Variants in PEX1 observed in about 807,000 individuals in gnomAD.
The protein encoded by PEX1 is peroxisomal ATPase PEX1.
Under a neutral mutation model 152.5 loss-of-function variants are expected in PEX1, and 97 were observed. The observed-to-expected ratio is 0.64, with a 90% CI of 0.54 to 0.75. The LOEUF is 0.75. PEX1 is among the 30% of genes least tolerant of loss of function. PEX1 has a pLI of 0.00. For missense variants in PEX1, 1,357 were observed against 1,516.3 expected (o/e 0.89, Z 1.74); for synonymous variants, 485 against 531.6 (o/e 0.91, Z 1.21).
At chr7:92,491,579 CATTCT>C in intron 20 of PEX1, 77 bp from the exon 21 acceptor site, 1 of 869,748 alleles carries the variant, frequency 1.1e-6, no homozygotes, top group Non-Finnish European at 1.9e-6. Flanking sequence ...ACATAGATAG[CATTCT>C]ATTAGAGCAA....
Position 92,491,356 on chromosome 7 carries a change from T to G in PEX1, c.3354A>C (p.Pro1118=). 5 of 1,614,052 alleles carry G rather than the reference T, an allele frequency of 3.1e-6. No individual in the cohort carries two copies. In the South Asian group the frequency reaches 5.5e-5, roughly 18 times the overall value. Residue 1118 remains proline (P), a synonymous_variant, in exon 21 of 24, where the codon CCA becomes CCC. Coordinates refer to ENST00000248633, the MANE Select transcript of PEX1 (RefSeq NM_000466.3). ...LVSLEMSEIL[P]DESKFNMYRL... is the part of the protein sequence containing the mutation. ...GGTACATATTGAATTTTGATTCATC[T>G]GGAAGGATCTCGGACATCTCTAAAG...
intron 15 of PEX1, 50 bp from the exon 16 acceptor site, chr7:92,499,888 A>C: frequency 6.8e-7 from 1 of 1,471,408 alleles, no homozygotes; most frequent in Non-Finnish European, 9.4e-7. Context: ...TCTAAACAGA[A>C]ATGACTAAGT....
chr7:92,495,859 T>G lies in PEX1; in HGVS notation c.2783+854A>C, dbSNP rs185250625. On this transcript the variant is annotated intron_variant, in intron 17 of 23. Coordinates refer to ENST00000248633, the MANE Select transcript of PEX1 (RefSeq NM_000466.3). ...GTTTATATCTATAATTTTCCTAATT[T>G]CATGAGATAGATACATAAGTGGTTA... is the stretch of plus-strand genomic sequence containing the variant. 6.1e-4 allele frequency among the ~76,000 whole-genome samples: 93 copies of G among 152,246 alleles called. 2 individuals carry two copies. Among genetic ancestry groups the G allele is most frequent in the Admixed American group, 6.0e-3 (91 of 15,294 alleles).
In PEX1 at chr7:92,518,985, TTTTC is replaced by T. The variant is rs771563735; in HGVS notation, c.357+6_357+9del. 2 of 1,588,646 alleles carry T rather than the reference TTTTC, an allele frequency of 1.3e-6. No homozygotes were observed. The highest frequency in any genetic ancestry group is 1.7e-6 in the Non-Finnish European group (2 of 1,156,970). On this transcript the variant is annotated splice_donor_region_variant and intron_variant, in intron 3 of 23. Transcript: ENST00000248633. ...CTTAAATGAGATAGTTCTTATTTGG[TTTTC>T]TTTACCAGTATCTCCCAATCATCTG...
At chr7:92,510,062 T>G (rs1792383835) in intron 8 of PEX1, among the ~76,000 whole-genome samples, 1 of 151,868 alleles carries the variant, frequency 6.6e-6, no homozygotes, top group Admixed American at 6.6e-5. Context: ...GAGAATCACT[T>G]GAACCCAGGA....
rs747331429 is a variant in PEX1 at position 92,489,955 on chromosome 7, G to A, written c.3439-44C>T. The A allele has an allele frequency of 1.4e-5, 21 of 1,472,426 alleles. No homozygotes were observed. The South Asian group carries it at 1.9e-4, about 14-fold the overall frequency. The allele number at this position is 1,472,426 out of a possible 1,614,324, so 91.2% of individuals were successfully genotyped here. A position where few individuals can be genotyped will look rare whatever the true frequency, so the allele number is the denominator to read the frequency against. On this transcript the variant is annotated intron_variant, in intron 21 of 23. Transcript: ENST00000248633. ...TAATGAAAGATGGAAGGAAGAGGGG[G>A]AGAGAAAAAACTATGTGTTTACCAA...
intron 1 of PEX1, among the ~76,000 whole-genome samples, chr7:92,524,975 GA>G (rs1381490665): frequency 6.6e-6 from 1 of 152,086 alleles, no homozygotes; most frequent in Non-Finnish European, 1.5e-5. Context: ...ATCAAAAAAG[GA>G]AACTCTACCA....
Position 92,489,529 on chromosome 7 carries a change from G to A in PEX1, c.3637-106C>T, listed in dbSNP as rs1437054399. On this transcript the variant is annotated intron_variant, in intron 22 of 23. Coordinates refer to ENST00000248633, the MANE Select transcript of PEX1 (RefSeq NM_000466.3). ...TGTCAGTTTTTTCAAGAGACCATAC[G>A]TTCTCTTCCTTATAAGATAATGAAA... 5 of 1,099,470 alleles carry A rather than the reference G, an allele frequency of 4.5e-6. No individual in the cohort carries two copies. The African/African-American group carries it at 4.7e-5, about 10-fold the overall frequency. The allele number at this position is 1,099,470 out of a possible 1,614,324, so 68.1% of individuals were successfully genotyped here.
At position 92,516,008 on chromosome 7, in the gene PEX1, A is replaced by AAAGAGAAGAGAAGAGAAGAGAAGAG. The variant is rs770569979; in HGVS notation, c.1239+1243_1239+1267dup. On this transcript the variant is annotated intron_variant, in intron 5 of 23. Transcript: ENST00000248633. ...GCTTCTAACTCAAAAAAAGAAAAGA[A>AAAGAGAAGAGAAGAGAAGAGAAGAG]AAGAGAAGAGAAGAGAAGAGAAGAG... Among the ~76,000 whole-genome samples the AAAGAGAAGAGAAGAGAAGAGAAGAG allele has an allele frequency of 2.3e-3, 241 of 103,480 alleles. 7 individuals are homozygous for AAAGAGAAGAGAAGAGAAGAGAAGAG. Among genetic ancestry groups the AAAGAGAAGAGAAGAGAAGAGAAGAG allele is most frequent in the Non-Finnish European group, 3.5e-3 (180 of 50,960 alleles). 67.9% of individuals were successfully genotyped at this position (103,480 alleles called of 152,430 possible).
chr7:92,517,702 A>C lies in PEX1; in HGVS notation c.813T>G (p.Asn271Lys). Residue 271 changes from asparagine (N) to lysine (K), a missense_variant, in exon 5 of 24, where the codon AAT becomes AAG. Asn to Lys is a moderately conservative substitution (Grantham distance 94). Coordinates refer to ENST00000248633, the MANE Select transcript of PEX1 (RefSeq NM_000466.3). Reference protein sequence around the residue: ...QETSWGLTEINAFKNMQSKVV... With the variant: ...QETSWGLTEIKAFKNMQSKVV... The stretch of plus-strand genomic sequence containing the variant: ...CCTTTGACTGCATATTTTTGAATGC[A>C]TTGATTTCAGTTAAACCCCAAGATG... 1 of 1,613,522 alleles carries C rather than the reference A, an allele frequency of 6.2e-7. No individual in the cohort carries two copies. The highest frequency in any genetic ancestry group is 8.5e-7 in the Non-Finnish European group (1 of 1,179,690).
At chr7:92,519,587 CTA>C (rs1792963793) in intron 2 of PEX1, among the ~76,000 whole-genome samples, 1 of 152,122 alleles carries the variant, frequency 6.6e-6, no homozygotes, top group Admixed American at 6.5e-5. Context: ...GAAGAAATGA[CTA>C]TATCATCAAG....
intron 13 of PEX1, among the ~76,000 whole-genome samples, chr7:92,502,359 T>C (rs1791972045): frequency 6.6e-6 from 1 of 152,178 alleles, no homozygotes; most frequent in East Asian, 1.9e-4. Context: ...TGTACTTAAA[T>C]TATATCTTAA....
Position 92,517,402 on chromosome 7 carries a change from C to G in PEX1, c.1113G>C (p.Arg371Ser). Residue 371 changes from arginine to serine, a missense_variant, in exon 5 of 24, where the codon AGG (arginine) becomes AGC (serine). By Grantham distance (110) the Arg-to-Ser change is moderately radical. Transcript: ENST00000248633. ...TCTCATCTTCTTCATTATGATCTGA[C>G]CTAATTTTTTTTTGATCTAGTGGCT... is the stretch of plus-strand genomic sequence containing the variant. The part of the protein sequence containing the change: ...MSEPLDQKKI[R>S]SDHNEEDEKA... 1 of 1,613,850 alleles carries G rather than the reference C, an allele frequency of 6.2e-7. No individual in the cohort carries two copies. The highest frequency in any genetic ancestry group is 1.7e-4 in the Middle Eastern group (1 of 6,058).
At chr7:92,494,259 G>A (rs1259147029) in intron 19 of PEX1, 34 bp downstream of exon 19, 1 of 1,447,604 alleles carries the variant, frequency 6.9e-7, no homozygotes, top group Non-Finnish European at 9.7e-7. Context: ...TGTAGCATTT[G>A]TTGGGTTTTG....
intron 17 of PEX1, among the ~76,000 whole-genome samples, chr7:92,495,537 A>G (rs1055166772): frequency 5.3e-5 from 8 of 152,146 alleles, no homozygotes; most frequent in African/African-American, 1.9e-4. Context: ...TTTTTGCTCA[A>G]TTTTGGTCAA....
intron 13 of PEX1, among the ~76,000 whole-genome samples, chr7:92,502,392 TAATA>T (rs1233300090): frequency 6.6e-6 from 1 of 152,224 alleles, no homozygotes; most frequent in East Asian, 1.9e-4. Context: ...AAAATCACAT[TAATA>T]AATGATTGTC....
In PEX1 at chr7:92,517,273, A is replaced by T. The variant is rs1439521600; in HGVS notation, c.1239+3T>A. 1 of 1,610,864 alleles carries T rather than the reference A, an allele frequency of 6.2e-7. No individual in the cohort carries two copies. ...TCTCCCAAGTTATAAAATTTATACT[A>T]ACCCAGACTTTCCCAAGATGGAGAA... On this transcript the variant is annotated splice_donor_region_variant and intron_variant, in intron 5 of 23. Transcript: ENST00000248633.
At chr7:92,505,557 TGA>T (rs1436687497) in intron 11 of PEX1, among the ~76,000 whole-genome samples, 1 of 152,080 alleles carries the variant, frequency 6.6e-6, no homozygotes, top group African/African-American at 2.4e-5. Flanking sequence ...AAAACATAAG[TGA>T]GAGTAAGGGA....
At chr7:92,495,567 A>T (rs1791613674) in intron 17 of PEX1, among the ~76,000 whole-genome samples, 1 of 152,090 alleles carries the variant, frequency 6.6e-6, no homozygotes, top group African/African-American at 2.4e-5. Flanking sequence ...TGTCTATGTC[A>T]CCTAAGTTTT....
Sources: allele counts gnomAD v4.1 joint callset (sites outside exome capture counted in the v4.1 genomes callset), GRCh38; gene constraint gnomAD v4.1.1; transcripts MANE v1.5; gene names NCBI Gene and HGNC (gene_info 2026-07-23, HGNC 2026-07-21).